PTPRD: variants seen among roughly 807,000 people sequenced by gnomAD.
PTPRD encodes receptor-type tyrosine-protein phosphatase delta.
PTPRD carries 34 observed loss-of-function variants against 214.5 expected under a neutral mutation model. The ratio of observed to expected loss-of-function variants is 0.16; its 90% CI spans 0.12 to 0.21. The LOEUF is 0.21. PTPRD is among the 10% of genes least tolerant of loss of function. The probability of loss-of-function intolerance (pLI) is 1.00; values close to 1 mark genes in which losing one functional copy is unlikely to be tolerated. For synonymous variants in PTPRD, 1,128 were observed against 845.7 expected (o/e 1.33, Z -5.79); for missense variants, 2,545 against 2,398.7 (o/e 1.06, Z -1.27).
chr9:9,160,788 C>A (rs1268484927), intron 10 of PTPRD, among the ~76,000 whole-genome samples: 1 of 152,108 alleles, frequency 6.6e-6, no homozygotes, highest in Admixed American at 6.6e-5. Context: ...CTGTGTCCAT[C>A]AACAGATAAT....
At chr9:9,119,520 C>T (rs764251389) in intron 10 of PTPRD, among the ~76,000 whole-genome samples, 1 of 151,710 alleles carries the variant, frequency 6.6e-6, no homozygotes, top group East Asian at 1.9e-4. Flanking sequence ...AGATGACTAC[C>T]AATTCAGATT....
intron 8 of PTPRD, among the ~76,000 whole-genome samples, chr9:9,419,936 A>G (rs1382468388): frequency 2.0e-5 from 3 of 151,808 alleles, no homozygotes; most frequent in African/African-American, 4.8e-5. Flanking sequence ...AATACTTTTA[A>G]TTATCTTTGA....
intron 11 of PTPRD, among the ~76,000 whole-genome samples, chr9:8,939,849 T>C (rs1395499839): frequency 1.3e-5 from 2 of 152,106 alleles, no homozygotes; most frequent in Admixed American, 6.5e-5. Context: ...TGGTGATAGT[T>C]TTCTTAAACT....
At chr9:9,903,708 T>C (rs1207843659) in intron 5 of PTPRD, among the ~76,000 whole-genome samples, 2 of 152,210 alleles carry the variant, frequency 1.3e-5, no homozygotes, top group African/African-American at 2.4e-5. Flanking sequence ...CTCTTTCTTC[T>C]TTCTGTCTTA....
intron 3 of PTPRD, among the ~76,000 whole-genome samples, chr9:10,220,403 C>A (rs545202526): frequency 9.9e-5 from 15 of 151,958 alleles, no homozygotes; most frequent in Non-Finnish European, 2.2e-4. Context: ...AAACTACTCA[C>A]GTAACTTTAC....
At chr9:8,740,278 T>C (rs1228432475) in intron 11 of PTPRD, among the ~76,000 whole-genome samples, 1 of 152,030 alleles carries the variant, frequency 6.6e-6, no homozygotes, top group African/African-American at 2.4e-5. Context: ...AAAGGAAAAA[T>C]TATGTTAAAG....
chr9:9,671,669 A>C (rs952818113), intron 7 of PTPRD, among the ~76,000 whole-genome samples: 1 of 152,100 alleles, frequency 6.6e-6, no homozygotes. Flanking sequence ...GTAGTGAATA[A>C]ATCTCACAAG....
intron 9 of PTPRD, among the ~76,000 whole-genome samples, chr9:9,366,776 A>G (rs981078188): frequency 2.0e-5 from 3 of 151,502 alleles, no homozygotes; most frequent in Non-Finnish European, 4.4e-5. Flanking sequence ...AAAAAGACAA[A>G]ATAAGGTCCT....
At chr9:9,817,007 A>G (rs1326277974) in intron 5 of PTPRD, among the ~76,000 whole-genome samples, 1 of 152,090 alleles carries the variant, frequency 6.6e-6, no homozygotes, top group Admixed American at 6.6e-5. Flanking sequence ...ACAGCATTAG[A>G]AAACATAATC....
At chr9:9,786,659 G>A (rs928696378) in intron 5 of PTPRD, among the ~76,000 whole-genome samples, 5 of 151,944 alleles carry the variant, frequency 3.3e-5, no homozygotes, top group East Asian at 1.9e-4. Flanking sequence ...TTGAGGAATC[G>A]CCACACTAAT....
chr9:9,838,300 G>A (rs1391146590), intron 5 of PTPRD, among the ~76,000 whole-genome samples: 1 of 151,906 alleles, frequency 6.6e-6, no homozygotes, highest in Admixed American at 6.6e-5. Context: ...GGGATGGCTG[G>A]GTCAAATGGT....
chr9:8,908,086 C>T (rs1342953530), intron 11 of PTPRD, among the ~76,000 whole-genome samples: 1 of 152,112 alleles, frequency 6.6e-6, no homozygotes, highest in Non-Finnish European at 1.5e-5. Context: ...AAGGAAGCAG[C>T]AGCACAATTA....
rs2135672104 is a variant in PTPRD, at chr9:8,389,423, T to G, written c.4211-16A>C. 1.9e-6 allele frequency: 3 copies of G among 1,599,100 alleles called. No individual in the cohort carries two copies. The highest frequency in any genetic ancestry group is 2.6e-6 in the Non-Finnish European group (3 of 1,172,642). On this transcript the variant is annotated splice_polypyrimidine_tract_variant and intron_variant, in intron 36 of 45. Coordinates refer to ENST00000381196, the MANE Select transcript of PTPRD (RefSeq NM_002839.4). Reference sequence around the variant, plus strand: ...CCTGGGATCCCTGGAAAACAAGGAGTGTTATTCAACCAGGTGAGCACATCA... The same window carrying G: ...CCTGGGATCCCTGGAAAACAAGGAGGGTTATTCAACCAGGTGAGCACATCA...
At chr9:9,040,057 T>C (rs1212547987) in intron 10 of PTPRD, among the ~76,000 whole-genome samples, 4 of 151,536 alleles carry the variant, frequency 2.6e-5, no homozygotes, top group Non-Finnish European at 5.9e-5. Context: ...AAAGGAAAAA[T>C]AAAACTAATA....
intron 34 of PTPRD, among the ~76,000 whole-genome samples, chr9:8,445,106 C>G (rs1303703362): frequency 1.3e-5 from 2 of 152,122 alleles, no homozygotes; most frequent in African/African-American, 4.8e-5. Context: ...TCTTATTCCA[C>G]TATCTGTTAG....
intron 8 of PTPRD, among the ~76,000 whole-genome samples, chr9:9,532,409 C>T (rs1400249995): frequency 1.3e-5 from 2 of 152,138 alleles, no homozygotes; most frequent in African/African-American, 4.8e-5. Context: ...CCCAAACTGG[C>T]GTCCTGCCCA....
chr9:10,331,708 A>G lies in PTPRD; in HGVS notation c.-545+9255T>C, dbSNP rs561974998. ...CCACCAAAAAGACTCCCAACCTATT[A>G]GAAACAAACTGTTTGAAATTTTGTC... On this transcript the variant is annotated intron_variant, in intron 3 of 45. Transcript: ENST00000381196. Among the ~76,000 whole-genome samples the G allele has an allele frequency of 2.0e-4, 31 of 152,010 alleles. No homozygotes were observed. The South Asian group carries it at 6.4e-3, about 32-fold the overall frequency.
chr9:9,314,855 C>A lies in PTPRD; in HGVS notation c.-203+82594G>T, dbSNP rs79288510. Among the ~76,000 whole-genome samples the A allele has an allele frequency of 6.5e-3, 984 of 151,956 alleles. 6 individuals are homozygous for A. Among genetic ancestry groups the A allele is most frequent in the African/African-American group, 0.023 (940 of 41,488 alleles). Reference sequence around the variant, plus strand: ...TGTTTGAAATAAGCTGATGAAATACCATAGGCACAAAGGACCTTTTTTTCC... The same window carrying A: ...TGTTTGAAATAAGCTGATGAAATACAATAGGCACAAAGGACCTTTTTTTCC... On this transcript the variant is annotated intron_variant, in intron 9 of 45. Transcript: ENST00000381196.
chr9:8,987,208 T>A (rs529145430), intron 11 of PTPRD, among the ~76,000 whole-genome samples: 1 of 152,218 alleles, frequency 6.6e-6, no homozygotes, highest in East Asian at 1.9e-4. Context: ...AGCATTAGGT[T>A]TCTGCTGACA....
Sources: gnomAD v4.1 joint callset for allele counts (sites outside exome capture counted in the v4.1 genomes callset) on GRCh38, gnomAD v4.1.1 for gene constraint, MANE v1.5 for transcripts, NCBI Gene and HGNC (gene_info 2026-07-23, HGNC 2026-07-21) for gene names.